ADD1: variants seen among roughly 807,000 people sequenced by gnomAD.
ADD1 encodes adducin 1.
ADD1 carries 24 observed loss-of-function variants against 80.5 expected under a neutral mutation model. The ratio of observed to expected loss-of-function variants is 0.30; its 90% CI spans 0.22 to 0.42. The LOEUF (loss-of-function observed/expected upper bound fraction) is 0.42, where lower values mean the gene tolerates loss of function less well. Among genes scored for constraint, ADD1 ranks in the 10% least tolerant of loss-of-function variants. The pLI, the probability that ADD1 is intolerant of heterozygous loss-of-function variation, is 1.00. For missense variants in ADD1, 948 were observed against 1,019.0 expected (o/e 0.93, Z 0.95); for synonymous variants, 373 against 393.8 (o/e 0.95, Z 0.63).
intron 11 of ADD1, 67 bp from the exon 12 acceptor site, chr4:2,908,448 C>CACCTGGG: frequency 7.0e-7 from 1 of 1,426,814 alleles, no homozygotes. Flanking sequence ...AGTGCACAAG[C>CACCTGGG]AGCAGGGCTC....
chr4:2,899,996 C>G (rs149353303), intron 9 of ADD1: 27 of 183,508 alleles, frequency 1.5e-4, no homozygotes, highest in African/African-American at 6.2e-4. Context: ...GGCAGACACA[C>G]AGGATGTGTT....
intron 14 of ADD1, among the ~76,000 whole-genome samples, chr4:2,919,771 A>G (rs911436074): frequency 2.6e-5 from 4 of 151,186 alleles, no homozygotes; most frequent in Admixed American, 6.6e-5. Context: ...TATTTTATCA[A>G]TCTTTAAAAA....
Position 2,928,583 on chromosome 4 carries a change from C to G in ADD1, c.*60C>G. The G allele has an allele frequency of 6.5e-7, 1 of 1,537,968 alleles. No individual in the cohort carries two copies. Among genetic ancestry groups the G allele is most frequent in the South Asian group, 1.2e-5 (1 of 85,102 alleles). On this transcript the variant is annotated 3_prime_UTR_variant, in exon 16 of 16. Transcript: ENST00000683351. ...CCCTGGCTCTGCCAGCGTCCCCGGC[C>G]ACGTCTGTGCTCTGTCCTTGTGTAA...
intron 13 of ADD1, among the ~76,000 whole-genome samples, chr4:2,911,449 T>TATATATATATATATATA (rs1553848841): frequency 7.6e-5 from 7 of 92,586 alleles, no homozygotes; most frequent in African/African-American, 2.3e-4. Flanking sequence ...TATATATATA[T>TATATATATATATATATA]TTTTTTTTTT....
intron 14 of ADD1, among the ~76,000 whole-genome samples, chr4:2,924,099 C>G (rs1433822948): frequency 6.6e-6 from 1 of 152,252 alleles, no homozygotes; most frequent in Non-Finnish European, 1.5e-5. Flanking sequence ...CAGGTCCCAT[C>G]AGGAATGGCT....
chr4:2,904,197 A>G (rs1201804318), intron 9 of ADD1, among the ~76,000 whole-genome samples: 1 of 152,058 alleles, frequency 6.6e-6, no homozygotes, highest in Non-Finnish European at 1.5e-5. Flanking sequence ...CAGTTTGTTC[A>G]TTTTTAAAAA....
intron 14 of ADD1, 127 bp downstream of exon 14, chr4:2,915,167 A>G: frequency 9.2e-7 from 1 of 1,085,472 alleles, no homozygotes; most frequent in Non-Finnish European, 1.3e-6. Flanking sequence ...ACAAACCAGA[A>G]CTTTATCCAG....
intron 10 of ADD1, among the ~76,000 whole-genome samples, chr4:2,906,507 T>A (rs1285198700): frequency 6.6e-6 from 1 of 152,200 alleles, no homozygotes; most frequent in African/African-American, 2.4e-5. Context: ...TATTTACCAT[T>A]AGCTTGCAAA....
At chr4:2,907,467 G>A (rs12642795) in intron 10 of ADD1, 57,135 of 326,668 alleles carry the variant, frequency 0.17, 6,248 homozygotes, top group East Asian at 0.49. Context: ...CAGCTCTGTC[G>A]TCAGCCTACC....
chr4:2,928,649 T>A lies in ADD1; in HGVS notation c.*126T>A. 1 of 1,028,776 alleles carries A rather than the reference T, an allele frequency of 9.7e-7. No homozygotes were observed. Among genetic ancestry groups the A allele is most frequent in the Non-Finnish European group, 1.4e-6 (1 of 697,544 alleles). 63.7% of individuals were successfully genotyped at this position (1,028,776 alleles called of 1,614,324 possible). A position where few individuals can be genotyped will look rare whatever the true frequency, so the allele number is the denominator to read the frequency against. On this transcript the variant is annotated 3_prime_UTR_variant, in exon 16 of 16. Transcript: ENST00000683351. Reference sequence around the variant, plus strand: ...CCAAGCCCTCCGCCTAGAGGTCCCCTCACGTGACCAGCCCCGTGTAGCCCC... The same window carrying A: ...CCAAGCCCTCCGCCTAGAGGTCCCCACACGTGACCAGCCCCGTGTAGCCCC...
At chr4:2,920,256 G>C (rs1364984576) in intron 14 of ADD1, among the ~76,000 whole-genome samples, 1 of 152,116 alleles carries the variant, frequency 6.6e-6, no homozygotes, top group Non-Finnish European at 1.5e-5. Context: ...CTTCCAATTA[G>C]GTGGTCAATT....
chr4:2,865,402 A>C (rs576753319), intron 1 of ADD1, among the ~76,000 whole-genome samples: 175 of 152,314 alleles, frequency 1.1e-3, no homozygotes, highest in African/African-American at 3.9e-3. Context: ...CATCCTCAGA[A>C]GTTTCAGAGT....
chr4:2,860,235 A>G (rs1728654346), intron 1 of ADD1, among the ~76,000 whole-genome samples: 1 of 152,172 alleles, frequency 6.6e-6, no homozygotes, highest in Non-Finnish European at 1.5e-5. Context: ...TTAGTCTCCA[A>G]ATCGAGTCAT....
chr4:2,852,279 T>G (rs1448933679), intron 1 of ADD1, among the ~76,000 whole-genome samples: 4 of 74,348 alleles, frequency 5.4e-5, no homozygotes, highest in Admixed American at 2.4e-4. Flanking sequence ...CCTTCCTTCC[T>G]TCTTTTCTTT....
intron 9 of ADD1, among the ~76,000 whole-genome samples, chr4:2,904,501 A>G (rs535777554): frequency 4.7e-4 from 71 of 152,364 alleles, no homozygotes; most frequent in South Asian, 8.3e-4. Flanking sequence ...TGAAGACACT[A>G]GACTATCCAT....
At chr4:2,922,169 G>T (rs763582169) in intron 14 of ADD1, among the ~76,000 whole-genome samples, 1 of 152,008 alleles carries the variant, frequency 6.6e-6, no homozygotes, top group Non-Finnish European at 1.5e-5. Flanking sequence ...GTCCAGTTTT[G>T]TTCCCTTGCT....
Position 2,914,952 on chromosome 4 carries a change from C to G in ADD1, c.1860C>G (p.Thr620=). Residue 620 remains threonine, a synonymous_variant, in exon 14 of 16, where the codon ACC becomes ACG. Coordinates refer to ENST00000683351, the MANE Select transcript of ADD1 (RefSeq NM_001354761.2). The part of the protein sequence containing the change: ...KEYQPHVIVS[T]TGPNPFTTLT... ...ACCAGCCCCACGTCATTGTGAGCAC[C>G]ACGGGCCCCAACCCCTTCACCACAC... is the stretch of plus-strand genomic sequence containing the variant. The G allele has an allele frequency of 1.2e-6, 2 of 1,614,150 alleles. No individual in the cohort carries two copies. Among genetic ancestry groups the G allele is most frequent in the Non-Finnish European group, 1.7e-6 (2 of 1,180,004 alleles).
intron 1 of ADD1, among the ~76,000 whole-genome samples, chr4:2,848,012 C>G (rs1010448628): frequency 1.4e-4 from 21 of 152,024 alleles, no homozygotes; most frequent in African/African-American, 5.1e-4. Context: ...ATCAGGAGTT[C>G]GAGGCCAGCC....
intron 1 of ADD1, among the ~76,000 whole-genome samples, chr4:2,870,892 G>A (rs1203816884): frequency 6.6e-6 from 1 of 151,720 alleles, no homozygotes; most frequent in Non-Finnish European, 1.5e-5. Flanking sequence ...AACAAAGTAA[G>A]TAGTTTGTGA....
Sources: gnomAD v4.1 joint callset for allele counts (sites outside exome capture counted in the v4.1 genomes callset) on GRCh38, gnomAD v4.1.1 for gene constraint, MANE v1.5 for transcripts, NCBI Gene and HGNC (gene_info 2026-07-23, HGNC 2026-07-21) for gene names.